The following CNTN5 variants were observed in gnomAD, a reference collection of about 807,000 sequenced individuals.
The protein encoded by CNTN5 is contactin-5.
Under a neutral mutation model 129.1 loss-of-function variants are expected in CNTN5, and 77 were observed. That is an observed-to-expected ratio of 0.60 (90% CI 0.50 to 0.72). CNTN5 has a LOEUF of 0.72. Ranked by LOEUF, CNTN5 falls within the 30% of genes least tolerant of loss-of-function variation. CNTN5 has a pLI of 0.00. For synonymous variants in CNTN5, 509 were observed against 465.6 expected, an observed-to-expected ratio of 1.09 and a Z score of -1.20; for missense variants, 1,478 against 1,328.8, an observed-to-expected ratio of 1.11 and a Z score of -1.75.
intron 1 of CNTN5, among the ~76,000 whole-genome samples, chr11:99,186,823 AGGAGAAGCCT>A (rs1340047475): frequency 6.6e-6 from 1 of 151,996 alleles, no homozygotes; most frequent in African/African-American, 2.4e-5. Flanking sequence ...GATGGCTGAA[AGGAGAAGCCT>A]GGAATCTTAA....
intron 1 of CNTN5, among the ~76,000 whole-genome samples, chr11:99,195,158 A>G (rs372072630): frequency 6.6e-6 from 1 of 152,134 alleles, no homozygotes; most frequent in Non-Finnish European, 1.5e-5. Flanking sequence ...TTATTTATTT[A>G]TTTGCATTTT....
chr11:100,327,978 T>C (rs933943926), intron 21 of CNTN5, among the ~76,000 whole-genome samples: 6 of 151,862 alleles, frequency 4.0e-5, no homozygotes, highest in African/African-American at 1.2e-4. Flanking sequence ...GAGTACAACA[T>C]TGAGTTAGCA....
intron 8 of CNTN5, among the ~76,000 whole-genome samples, chr11:99,958,063 T>A (rs1950849304): frequency 6.6e-6 from 1 of 152,062 alleles, no homozygotes; most frequent in Non-Finnish European, 1.5e-5. Flanking sequence ...TAATATTCAT[T>A]TTAAAGAGAA....
intron 2 of CNTN5, among the ~76,000 whole-genome samples, chr11:99,439,986 G>GA (rs1342398869): frequency 6.6e-6 from 1 of 151,968 alleles, no homozygotes; most frequent in East Asian, 1.9e-4. Flanking sequence ...GAATAAATCA[G>GA]AAAAAATGGT....
chr11:100,149,583 G>A (rs1003456087), intron 13 of CNTN5, among the ~76,000 whole-genome samples: 4 of 152,036 alleles, frequency 2.6e-5, no homozygotes, highest in Admixed American at 2.0e-4. Context: ...CAATGTCATG[G>A]CACAAATGAT....
chr11:99,475,367 T>C (rs1399533662), intron 2 of CNTN5, among the ~76,000 whole-genome samples: 2 of 152,172 alleles, frequency 1.3e-5, no homozygotes, highest in Non-Finnish European at 2.9e-5. Context: ...AAAATAAATC[T>C]TTATTCTTTA....
chr11:99,905,568 T>C (rs1046135325), intron 6 of CNTN5, among the ~76,000 whole-genome samples: 4 of 152,160 alleles, frequency 2.6e-5, no homozygotes, highest in African/African-American at 9.7e-5. Flanking sequence ...TAAAGTAGGG[T>C]AGCATGATGC....
rs1454164171 is a variant in CNTN5, at chr11:99,035,273, A to T, written c.-210+14003A>T. 6.0e-5 allele frequency among the ~76,000 whole-genome samples: 9 copies of T among 149,340 alleles called. No individual in the cohort carries two copies. In the East Asian group the frequency reaches 1.8e-3, roughly 30 times the overall value. ...TGATTTGGGGTGGAGAGTTCTGTAGATGTCTATTAGGTCCGCTTGGTGCAG... is the reference window on the plus strand; with the variant it reads ...TGATTTGGGGTGGAGAGTTCTGTAGTTGTCTATTAGGTCCGCTTGGTGCAG... On this transcript the variant is annotated intron_variant, in intron 1 of 24. Transcript: ENST00000524871.
chr11:99,773,267 G>A (rs1290112766), intron 3 of CNTN5, among the ~76,000 whole-genome samples: 1 of 152,070 alleles, frequency 6.6e-6, no homozygotes, highest in Non-Finnish European at 1.5e-5. Flanking sequence ...AGGTATCCAT[G>A]TCTAAACACC....
intron 2 of CNTN5, among the ~76,000 whole-genome samples, chr11:99,456,230 T>C (rs930583688): frequency 6.6e-6 from 1 of 152,124 alleles, no homozygotes; most frequent in Admixed American, 6.6e-5. Context: ...AAAAGTCAAC[T>C]GAGAGTTCAT....
chr11:99,991,487 C>T (rs1332657703), intron 8 of CNTN5, among the ~76,000 whole-genome samples: 1 of 151,786 alleles, frequency 6.6e-6, no homozygotes, highest in African/African-American at 2.4e-5. Context: ...AACAAACAAA[C>T]AAACAAAAGA....
chr11:100,146,974 T>G (rs1946870668), intron 13 of CNTN5, among the ~76,000 whole-genome samples: 1 of 152,202 alleles, frequency 6.6e-6, no homozygotes, highest in East Asian at 1.9e-4. Context: ...GCATAGGCTA[T>G]TTCAGTAACC....
chr11:99,113,922 A>T (rs1857917457), intron 1 of CNTN5, among the ~76,000 whole-genome samples: 1 of 152,150 alleles, frequency 6.6e-6, no homozygotes, highest in African/African-American at 2.4e-5. Context: ...TTTAGTTTTT[A>T]CTTTAATTAT....
intron 3 of CNTN5, among the ~76,000 whole-genome samples, chr11:99,708,037 G>A (rs530576317): frequency 6.6e-6 from 1 of 151,654 alleles, no homozygotes; most frequent in African/African-American, 2.4e-5. Context: ...AAATTGCTCT[G>A]TATCTTTGTT....
intron 2 of CNTN5, among the ~76,000 whole-genome samples, chr11:99,509,989 T>G (rs1280811503): frequency 1.3e-5 from 2 of 151,556 alleles, no homozygotes; most frequent in Non-Finnish European, 2.9e-5. Flanking sequence ...TTAATCTCTC[T>G]TTGCCTCAAT....
At chr11:100,035,892 A>G (rs1387889492) in intron 9 of CNTN5, among the ~76,000 whole-genome samples, 4 of 152,150 alleles carry the variant, frequency 2.6e-5, no homozygotes, top group Non-Finnish European at 4.4e-5. Context: ...AGTAGGTTGC[A>G]AAAATTTTCT....
At chr11:100,019,288 A>C (rs1165258611) in intron 9 of CNTN5, among the ~76,000 whole-genome samples, 3 of 151,890 alleles carry the variant, frequency 2.0e-5, no homozygotes, top group Non-Finnish European at 4.4e-5. Flanking sequence ...TTTCCATTTA[A>C]GTCTCTGCTG....
At chr11:99,080,399 T>C (rs1865743492) in intron 1 of CNTN5, among the ~76,000 whole-genome samples, 1 of 152,186 alleles carries the variant, frequency 6.6e-6, no homozygotes, top group Non-Finnish European at 1.5e-5. Flanking sequence ...GTGGTTTAGC[T>C]ATGGCATCAA....
intron 10 of CNTN5, among the ~76,000 whole-genome samples, chr11:100,070,036 G>A (rs1034103329): frequency 3.9e-5 from 6 of 151,930 alleles, no homozygotes; most frequent in Middle Eastern, 3.2e-3. Context: ...AACAAGTTGA[G>A]TAGATACACT....
Sources: gnomAD v4.1 joint callset for allele counts (sites outside exome capture counted in the v4.1 genomes callset) on GRCh38, gnomAD v4.1.1 for gene constraint, MANE v1.5 for transcripts, NCBI Gene and HGNC (gene_info 2026-07-23, HGNC 2026-07-21) for gene names.